The following TEX15 variants were observed in gnomAD, a reference collection of about 807,000 sequenced individuals.
TEX15 encodes the protein testis-expressed protein 15.
A neutral mutation model predicts 237.3 loss-of-function variants in TEX15; 171 were observed. The ratio of observed to expected loss-of-function variants is 0.72; its 90% CI spans 0.64 to 0.82. The LOEUF is 0.82. TEX15 is among the 40% of genes least tolerant of loss of function. The pLI is 0.00. For missense variants in TEX15, 3,750 were observed against 3,646.5 expected (o/e 1.03, Z -0.73); for synonymous variants, 1,338 against 1,269.8 (o/e 1.05, Z -1.14).
chr8:30,876,338 G>T (rs549003384), intron 3 of TEX15, among the ~76,000 whole-genome samples: 167 of 152,240 alleles, frequency 1.1e-3, no homozygotes, highest in African/African-American at 3.3e-3. Context: ...ATCACCTTTT[G>T]AAATGTTTGA....
intron 9 of TEX15, among the ~76,000 whole-genome samples, chr8:30,839,022 G>C: frequency 6.6e-6 from 1 of 151,690 alleles, no homozygotes; most frequent in Non-Finnish European, 1.5e-5. Context: ...CACCATGTTG[G>C]TCAGGCTGAT....
chr8:30,873,031 G>C (rs1455174621), intron 4 of TEX15, among the ~76,000 whole-genome samples: 1 of 152,108 alleles, frequency 6.6e-6, no homozygotes, highest in South Asian at 2.1e-4. Context: ...ACACCATCTA[G>C]GTTTGTGTAA....
chr8:30,897,124 T>C (rs571168646), intron 2 of TEX15, among the ~76,000 whole-genome samples: 10 of 152,344 alleles, frequency 6.6e-5, no homozygotes. Flanking sequence ...TGAAATAAAA[T>C]ATTCTGAACA....
rs183854485 is a variant in TEX15 at position 30,842,291 on chromosome 8, A to G, written c.7876T>C (p.Cys2626Arg). The change falls in exon 8 of 11, where the codon TGT becomes CGT. Residue 2626 changes from cysteine (C) to arginine (R), a missense_variant. Cys to Arg is a radical substitution (Grantham distance 180, BLOSUM62 -3). Coordinates refer to ENST00000643185, the MANE Select transcript of TEX15 (RefSeq NM_001350162.2). ...ATGGTTAGTTCAGCATTTTTAGTAC[A>G]TATCATCTTCATATGTTCAATCGTT... ...MKTIEHMKMI[C>R]TKNAELTISF... 2.3e-4 allele frequency: 374 copies of G among 1,613,846 alleles called. No individual in the cohort carries two copies. The highest frequency in any genetic ancestry group is 6.7e-4 in the Admixed American group (40 of 59,996).
intron 3 of TEX15, among the ~76,000 whole-genome samples, chr8:30,876,017 T>C (rs576267176): frequency 1.3e-5 from 2 of 152,248 alleles, no homozygotes; most frequent in African/African-American, 2.4e-5. Flanking sequence ...GGTCGCTATG[T>C]TGTCCAAGCT....
rs749341501 is a variant in TEX15 at position 30,851,748 on chromosome 8, C to A, written c.851-2432G>T. On this transcript the variant is annotated intron_variant, in intron 7 of 10. Transcript: ENST00000643185. ...GGTCAGGAGTTCGAGACCAGCCTGG[C>A]CAACATGGTGAAACCCTGTCTGTAC... Among the ~76,000 whole-genome samples the A allele has an allele frequency of 1.2e-4, 19 of 152,056 alleles. 1 individual carries two copies. Among genetic ancestry groups the A allele is most frequent in the South Asian group, 8.3e-4 (4 of 4,824 alleles).
chr8:30,904,367 A>C (rs1809057733), intron 1 of TEX15, among the ~76,000 whole-genome samples: 1 of 151,726 alleles, frequency 6.6e-6, no homozygotes. Flanking sequence ...GAATTGCTTG[A>C]ATCCAGGAGA....
intron 5 of TEX15, among the ~76,000 whole-genome samples, chr8:30,866,769 C>T (rs1489720884): frequency 6.6e-6 from 1 of 151,562 alleles, no homozygotes; most frequent in Non-Finnish European, 1.5e-5. Flanking sequence ...GTTCAAAGGT[C>T]CCATATACCC....
chr8:30,854,000 T>C (rs1246065343), intron 7 of TEX15, among the ~76,000 whole-genome samples: 2 of 151,994 alleles, frequency 1.3e-5, no homozygotes, highest in Non-Finnish European at 2.9e-5. Context: ...ACAGCTAAAG[T>C]AGTTGTTTCT....
chr8:30,845,465 T>C lies in TEX15; in HGVS notation c.4702A>G (p.Ile1568Val), dbSNP rs761077166. The change falls in exon 8 of 11, where the codon ATA becomes GTA. Residue 1568 changes from isoleucine (I) to valine (V), a missense_variant. Coordinates refer to ENST00000643185, the MANE Select transcript of TEX15 (RefSeq NM_001350162.2). ...FSPDHSDEKL[I>V]EKENQIDTAF... is the part of the protein sequence containing the mutation. ...GTATCAATTTGATTTTCTTTTTCTATTAGTTTCTCATCTGAGTGGTCTGGG... is the reference window on the plus strand; with the variant it reads ...GTATCAATTTGATTTTCTTTTTCTACTAGTTTCTCATCTGAGTGGTCTGGG... The C allele has an allele frequency of 6.2e-7, 1 of 1,613,204 alleles. No homozygotes were observed. The highest frequency in any genetic ancestry group is 8.5e-7 in the Non-Finnish European group (1 of 1,179,474).
In TEX15 at chr8:30,848,348, T is replaced by G. The variant is rs1355225738; in HGVS notation, c.1819A>C (p.Lys607Gln). ...CQTSTVFPLK[K>Q]KVSIDEYLQN... ...AGGTATTCATCAATGCTTACTTTCT[T>G]TTTGAGTGGAAAAACTGTAGACGTT... Residue 607 changes from lysine to glutamine, a missense_variant, in exon 8 of 11, where the codon AAG (lysine) becomes CAG (glutamine). Transcript: ENST00000643185. 6.8e-6 allele frequency: 11 copies of G among 1,614,026 alleles called. No homozygotes were observed. Among genetic ancestry groups the G allele is most frequent in the Non-Finnish European group, 9.3e-6 (11 of 1,180,006 alleles).
chr8:30,895,597 G>A (rs1292897607), intron 2 of TEX15, among the ~76,000 whole-genome samples: 1 of 146,254 alleles, frequency 6.8e-6, no homozygotes, highest in African/African-American at 2.5e-5. Flanking sequence ...CAACACCTAT[G>A]AAGCCATTAT....
chr8:30,842,870 C>T lies in TEX15; in HGVS notation c.7297G>A (p.Glu2433Lys), dbSNP rs61743684. The T allele has an allele frequency of 1.2e-3, 1,938 of 1,611,452 alleles. 21 individuals are homozygous for T. In the African/African-American group the frequency reaches 0.021, roughly 18 times the overall value. The change falls in exon 8 of 11, where the codon GAG becomes AAG. Residue 2433 changes from glutamate (E) to lysine (K), a missense_variant. Coordinates refer to ENST00000643185, the MANE Select transcript of TEX15 (RefSeq NM_001350162.2). The stretch of plus-strand genomic sequence containing the variant: ...GCTTCAGGCTTTAAAATGATAGCCT[C>T]ATGGCTGTGGTTTATCACCACGTCT... ...VLDVVINHSH[E>K]AIILKPEAIE...
intron 5 of TEX15, among the ~76,000 whole-genome samples, chr8:30,862,709 AC>A (rs895892055): frequency 2.0e-5 from 3 of 152,172 alleles, no homozygotes; most frequent in Non-Finnish European, 4.4e-5. Flanking sequence ...AAATCAGGAT[AC>A]CTACTGTGAT....
At chr8:30,876,308 A>G (rs1161475232) in intron 3 of TEX15, among the ~76,000 whole-genome samples, 1 of 152,170 alleles carries the variant, frequency 6.6e-6, no homozygotes, top group Non-Finnish European at 1.5e-5. Flanking sequence ...TGCAAGTTCA[A>G]TATTTTTCAT....
intron 1 of TEX15, among the ~76,000 whole-genome samples, chr8:30,900,312 A>G (rs985351589): frequency 6.6e-6 from 1 of 152,218 alleles, no homozygotes; most frequent in African/African-American, 2.4e-5. Flanking sequence ...TTAAAATGAG[A>G]GACTGGCATA....
chr8:30,837,222 T>C lies in TEX15; in HGVS notation c.9062A>G (p.Gln3021Arg), dbSNP rs1404447786. The C allele has an allele frequency of 6.2e-7, 1 of 1,614,180 alleles. No homozygotes were observed. Among genetic ancestry groups the C allele is most frequent in the Non-Finnish European group, 8.5e-7 (1 of 1,180,032 alleles). Residue 3021 changes from glutamine (Q) to arginine (R), a missense_variant, in exon 10 of 11, where the codon CAG becomes CGG. Physicochemically the swap from Gln to Arg is conservative, Grantham distance 43. Transcript: ENST00000643185. ...NAATYWNELP[Q>R]SACNPTYNSS... ...ATTATATGTTGGGTTACATGCAGAC[T>C]GTGGAAGTTCATTCCAATATGTGGC...
At chr8:30,897,683 C>CA (rs752291411) in intron 2 of TEX15, among the ~76,000 whole-genome samples, 53 of 152,160 alleles carry the variant, frequency 3.5e-4, no homozygotes, top group Non-Finnish European at 6.5e-4. Context: ...TTTTAAGAGT[C>CA]AAGATCTCAC....
chr8:30,884,989 CT>C (rs1563269483), intron 3 of TEX15, among the ~76,000 whole-genome samples: 1 of 152,086 alleles, frequency 6.6e-6, no homozygotes, highest in East Asian at 1.9e-4. Context: ...CTAAGTACTG[CT>C]TTTGCTTTAT....
Sources: gnomAD v4.1 joint callset for allele counts (sites outside exome capture counted in the v4.1 genomes callset) on GRCh38, gnomAD v4.1.1 for gene constraint, MANE v1.5 for transcripts, NCBI Gene and HGNC (gene_info 2026-07-23, HGNC 2026-07-21) for gene names.